The following WDFY2 variants were observed in gnomAD, a reference collection of about 807,000 sequenced individuals.
The protein encoded by WDFY2 is WD repeat and FYVE domain-containing protein 2.
In WDFY2, 36 loss-of-function variants were observed where a neutral mutation model predicts 56.4. The observed-to-expected ratio is 0.64, with a 90% CI of 0.49 to 0.84. The LOEUF is 0.84. Among genes scored for constraint, WDFY2 ranks in the 40% least tolerant of loss-of-function variants. The pLI, the probability that WDFY2 is intolerant of heterozygous loss-of-function variation, is 0.00. For missense variants in WDFY2, 444 were observed against 512.2 expected (o/e 0.87, Z 1.29); for synonymous variants, 176 against 183.7 (o/e 0.96, Z 0.34).
chr13:51,639,249 A>T (rs1955111449), intron 1 of WDFY2, among the ~76,000 whole-genome samples: 1 of 152,204 alleles, frequency 6.6e-6, no homozygotes, highest in Non-Finnish European at 1.5e-5. Flanking sequence ...GGAAAGGCTC[A>T]ATGTGGAAGA....
Position 51,634,730 on chromosome 13 carries a change from T to C in WDFY2, c.138-25866T>C, listed in dbSNP as rs769070118. Among the ~76,000 whole-genome samples the C allele has an allele frequency of 1.9e-4, 29 of 152,044 alleles. No individual in the cohort carries two copies. In the East Asian group the frequency reaches 2.7e-3, roughly 14 times the overall value. ...TGTTTTTTTTGTTTTGTTTTTTTTT[T>C]CCCCATATATTCAGTACCAGGAAAG... On this transcript the variant is annotated intron_variant, in intron 1 of 11. Transcript: ENST00000298125.
At chr13:51,671,776 CTTTTTTTTTTT>C (rs564584742) in intron 2 of WDFY2, among the ~76,000 whole-genome samples, 6 of 62,000 alleles carry the variant, frequency 9.7e-5, no homozygotes, top group African/African-American at 4.3e-4. Context: ...GTTGCATTTG[CTTTTTTTTTTT>C]TTTTTTTTTT....
intron 1 of WDFY2, among the ~76,000 whole-genome samples, chr13:51,603,059 A>G (rs1343648335): frequency 6.6e-6 from 1 of 152,130 alleles, no homozygotes; most frequent in Non-Finnish European, 1.5e-5. Context: ...TCAAGCATAT[A>G]GGCCTGGGAC....
chr13:51,735,780 A>C (rs1952820966), intron 6 of WDFY2, among the ~76,000 whole-genome samples: 1 of 152,208 alleles, frequency 6.6e-6, no homozygotes, highest in Admixed American at 6.5e-5. Context: ...TAGGACATTT[A>C]TATAGAGCAG....
intron 3 of WDFY2, among the ~76,000 whole-genome samples, chr13:51,695,498 A>T (rs1288459112): frequency 6.6e-6 from 1 of 152,054 alleles, no homozygotes. Context: ...AGAACAGCGG[A>T]TTTTCATGAA....
intron 1 of WDFY2, among the ~76,000 whole-genome samples, chr13:51,641,705 A>G (rs1323266930): frequency 6.7e-6 from 1 of 149,676 alleles, no homozygotes; most frequent in Non-Finnish European, 1.5e-5. Flanking sequence ...GGGCGCCTGT[A>G]GTCCCAGCTA....
chr13:51,735,653 G>GCT (rs1290416554), intron 6 of WDFY2, among the ~76,000 whole-genome samples: 1 of 152,142 alleles, frequency 6.6e-6, no homozygotes, highest in African/African-American at 2.4e-5. Context: ...CATTGTATCT[G>GCT]CTGAGCCTAG....
chr13:51,600,537 A>C (rs904721826), intron 1 of WDFY2, among the ~76,000 whole-genome samples: 31 of 152,178 alleles, frequency 2.0e-4, no homozygotes, highest in African/African-American at 7.5e-4. Context: ...TTTACATTAC[A>C]GTCTAGATAA....
chr13:51,643,259 G>T (rs1053552258), intron 1 of WDFY2, among the ~76,000 whole-genome samples: 1 of 151,998 alleles, frequency 6.6e-6, no homozygotes, highest in African/African-American at 2.4e-5. Flanking sequence ...CTTCCCCCAG[G>T]ATCTGCTGCA....
intron 1 of WDFY2, chr13:51,586,342 A>G (rs1953935443): frequency 3.1e-6 from 1 of 323,830 alleles, no homozygotes; most frequent in African/African-American, 2.1e-5. Flanking sequence ...ACTGCTGTGG[A>G]AAATTCATAA....
At chr13:51,696,263 C>A (rs1951874133) in intron 3 of WDFY2, among the ~76,000 whole-genome samples, 1 of 152,240 alleles carries the variant, frequency 6.6e-6, no homozygotes, top group Non-Finnish European at 1.5e-5. Context: ...CACCCATCTT[C>A]TGCATCGCTG....
intron 2 of WDFY2, among the ~76,000 whole-genome samples, chr13:51,665,255 A>G (rs1163345084): frequency 6.6e-6 from 1 of 152,240 alleles, no homozygotes; most frequent in Non-Finnish European, 1.5e-5. Flanking sequence ...TTTCAAAAAG[A>G]ATATCCCCTT....
chr13:51,697,033 C>T (rs1037613829), intron 3 of WDFY2, among the ~76,000 whole-genome samples: 8 of 151,978 alleles, frequency 5.3e-5, no homozygotes, highest in African/African-American at 1.9e-4. Context: ...TACTAAGGGC[C>T]AGTAAACATT....
chr13:51,630,736 C>A (rs1327803752), intron 1 of WDFY2, among the ~76,000 whole-genome samples: 1 of 141,726 alleles, frequency 7.1e-6, no homozygotes, highest in Non-Finnish European at 1.6e-5. Flanking sequence ...GATTGTTTAG[C>A]TTTCACTGAA....
chr13:51,619,869 C>CT (rs1309687052), intron 1 of WDFY2, among the ~76,000 whole-genome samples: 2 of 152,218 alleles, frequency 1.3e-5, no homozygotes, highest in Non-Finnish European at 2.9e-5. Context: ...TTGAACCTGC[C>CT]TTGCATAGTT....
chr13:51,650,005 G>A (rs1207546996), intron 1 of WDFY2, among the ~76,000 whole-genome samples: 2 of 151,850 alleles, frequency 1.3e-5, no homozygotes, highest in Non-Finnish European at 1.5e-5. Flanking sequence ...AAATTACCTT[G>A]GGCAGTGTGG....
intron 1 of WDFY2, among the ~76,000 whole-genome samples, chr13:51,628,642 G>T (rs1009392444): frequency 6.6e-6 from 1 of 152,230 alleles, no homozygotes; most frequent in African/African-American, 2.4e-5. Flanking sequence ...CCTCTTCCGA[G>T]TGGTCCCTCC....
rs1954932325 is a variant in WDFY2, at chr13:51,630,492, C to T, written c.138-30104C>T. The stretch of plus-strand genomic sequence containing the variant: ...TTTTTTTTTTTTTATGTTTGGGTCA[C>T]CACAGTGCCCGCAACATTCTTTCTT... On this transcript the variant is annotated intron_variant, in intron 1 of 11. Coordinates refer to ENST00000298125, the MANE Select transcript of WDFY2 (RefSeq NM_052950.4). Among the ~76,000 whole-genome samples, 3 of 150,686 alleles carry T rather than the reference C, an allele frequency of 2.0e-5. 1 individual carries two copies. The highest frequency in any genetic ancestry group is 4.4e-5 in the Non-Finnish European group (3 of 67,820).
At chr13:51,612,289 T>G (rs1954518608) in intron 1 of WDFY2, among the ~76,000 whole-genome samples, 1 of 152,184 alleles carries the variant, frequency 6.6e-6, no homozygotes, top group Non-Finnish European at 1.5e-5. Context: ...GGAACTGGAT[T>G]ACCAAATTTA....
Sources: allele counts gnomAD v4.1 joint callset (sites outside exome capture counted in the v4.1 genomes callset), GRCh38; gene constraint gnomAD v4.1.1; transcripts MANE v1.5; gene names NCBI Gene and HGNC (gene_info 2026-07-23, HGNC 2026-07-21).